RBFOX1: variants seen among roughly 807,000 people sequenced by gnomAD.
RBFOX1 encodes RNA binding protein fox-1 homolog 1.
In RBFOX1, 8 loss-of-function variants were observed where a neutral mutation model predicts 57.7. That is an observed-to-expected ratio of 0.14 (90% CI 0.08 to 0.25). RBFOX1 has a LOEUF of 0.25. Among genes scored for constraint, RBFOX1 ranks in the 10% least tolerant of loss-of-function variants. The pLI is 1.00. For missense variants in RBFOX1, 611 were observed against 548.5 expected (o/e 1.11, Z -1.14); for synonymous variants, 326 against 222.4 (o/e 1.47, Z -4.15).
intron 3 of RBFOX1, among the ~76,000 whole-genome samples, chr16:6,745,463 G>T (rs1023993467): frequency 1.3e-5 from 2 of 152,122 alleles, no homozygotes; most frequent in Admixed American, 6.5e-5. Flanking sequence ...AGAATGAGCA[G>T]ATTTTGTTTT....
chr16:5,282,495 C>T (rs2063296897), intron 1 of RBFOX1, among the ~76,000 whole-genome samples: 1 of 152,072 alleles, frequency 6.6e-6, no homozygotes, highest in African/African-American at 2.4e-5. Context: ...TTCCTAGAGC[C>T]CAAAATGCTG....
chr16:7,448,835 C>T (rs10220951), intron 4 of RBFOX1, among the ~76,000 whole-genome samples: 10 of 151,516 alleles, frequency 6.6e-5, no homozygotes, highest in African/African-American at 2.4e-4. Flanking sequence ...TTAGGGCCCA[C>T]TTTAATCCGG....
chr16:6,000,037 C>G (rs1436784833), intron 4 of RBFOX1, among the ~76,000 whole-genome samples: 1 of 151,912 alleles, frequency 6.6e-6, no homozygotes, highest in Non-Finnish European at 1.5e-5. Flanking sequence ...TTTAGGCAGG[C>G]TGTGTGGGAT....
At chr16:6,990,503 C>G (rs2091248207) in intron 3 of RBFOX1, among the ~76,000 whole-genome samples, 1 of 151,928 alleles carries the variant, frequency 6.6e-6, no homozygotes. Context: ...CCCACCTGGG[C>G]AACAAGAAAG....
chr16:6,162,558 G>A (rs2152747423), intron 1 of RBFOX1, among the ~76,000 whole-genome samples: 1 of 152,314 alleles, frequency 6.6e-6, no homozygotes, highest in Non-Finnish European at 1.5e-5. Context: ...GACTCTCAGT[G>A]AAATACTGCA....
intron 4 of RBFOX1, among the ~76,000 whole-genome samples, chr16:7,181,071 G>A (rs953886156): frequency 6.6e-6 from 1 of 152,226 alleles, no homozygotes; most frequent in Non-Finnish European, 1.5e-5. Flanking sequence ...TGGTCCACAG[G>A]CCATGGCTTA....
chr16:7,352,517 A>G (rs1309453225), intron 4 of RBFOX1, among the ~76,000 whole-genome samples: 3 of 152,142 alleles, frequency 2.0e-5, no homozygotes, highest in East Asian at 3.9e-4. Flanking sequence ...CGGGCTGCCC[A>G]TCACTGCTGT....
intron 15 of RBFOX1, chr16:7,710,336 A>T: frequency 1.6e-6 from 2 of 1,249,200 alleles, no homozygotes; most frequent in Admixed American, 4.4e-5. Flanking sequence ...TTATAAAAAA[A>T]TGAGACAGTG....
At chr16:5,366,510 T>A (rs1423207330) in intron 1 of RBFOX1, 2 of 432,652 alleles carry the variant, frequency 4.6e-6, no homozygotes, top group African/African-American at 2.1e-5. Context: ...AAAAAACTGC[T>A]AAAACACCGA....
At chr16:7,441,876 G>A (rs149439692) in intron 4 of RBFOX1, among the ~76,000 whole-genome samples, 5 of 152,184 alleles carry the variant, frequency 3.3e-5, no homozygotes, top group Admixed American at 6.5e-5. Context: ...TGCCTCCGTA[G>A]TGCTCTCCTC....
At chr16:7,674,017 G>C (rs954352118) in intron 13 of RBFOX1, among the ~76,000 whole-genome samples, 1 of 152,160 alleles carries the variant, frequency 6.6e-6, no homozygotes, top group Non-Finnish European at 1.5e-5. Flanking sequence ...AAAATACAGA[G>C]CGATAAAATT....
Position 6,897,672 on chromosome 16 carries a change from A to G in RBFOX1, c.-15-154385A>G, listed in dbSNP as rs563851774. 2.6e-5 allele frequency among the ~76,000 whole-genome samples: 4 copies of G among 152,150 alleles called. No homozygotes were observed. In the South Asian group the frequency reaches 8.3e-4, roughly 32 times the overall value. On this transcript the variant is annotated intron_variant, in intron 3 of 15. Transcript: ENST00000550418. ...GCTGGGCTTGGTGGCACGTGTCTGT[A>G]ATCACAGCCAGTTGGGAGCCTGAGG...
At chr16:6,434,327 C>G (rs941177503) in intron 2 of RBFOX1, among the ~76,000 whole-genome samples, 5 of 152,138 alleles carry the variant, frequency 3.3e-5, no homozygotes, top group Non-Finnish European at 7.4e-5. Flanking sequence ...ATTCCTCCTA[C>G]ATCTCCAATG....
intron 1 of RBFOX1, among the ~76,000 whole-genome samples, chr16:5,416,420 G>T (rs968825568): frequency 3.3e-5 from 5 of 152,132 alleles, no homozygotes; most frequent in Admixed American, 1.3e-4. Context: ...GATCTAAGAA[G>T]AATCACTGAT....
At chr16:5,538,694 C>A (rs1379163142) in intron 2 of RBFOX1, among the ~76,000 whole-genome samples, 1 of 150,958 alleles carries the variant, frequency 6.6e-6, no homozygotes, top group African/African-American at 2.4e-5. Context: ...GGTGTGATCT[C>A]CGCTCACTGC....
chr16:6,853,657 C>G (rs144712798), intron 3 of RBFOX1, among the ~76,000 whole-genome samples: 1 of 152,158 alleles, frequency 6.6e-6, no homozygotes, highest in Admixed American at 6.5e-5. Context: ...TGCTCTCAGC[C>G]TGTATGGAGG....
chr16:6,019,697 C>A lies in RBFOX1; in HGVS notation c.-422C>A, dbSNP rs970140414. 3.7e-6 allele frequency: 5 copies of A among 1,342,456 alleles called. No individual in the cohort carries two copies. The highest frequency in any genetic ancestry group is 2.9e-4 in the Middle Eastern group (1 of 3,506). 83.2% of individuals were successfully genotyped at this position (1,342,456 alleles called of 1,614,324 possible). A position where few individuals can be genotyped will look rare whatever the true frequency, so the allele number is the denominator to read the frequency against. On this transcript the variant is annotated 5_prime_UTR_variant, in exon 1 of 16. Transcript: ENST00000550418. The surrounding 1 kb of genome is among the most constrained non-coding windows in gnomAD (Gnocchi z 4.2). ...AGCAGGAGAACTCCGAGCTTCTTGC[C>A]CAGGCAGAGAGAGCAGGAGCGGACC...
At chr16:6,081,575 A>G (rs1254527364) in intron 1 of RBFOX1, among the ~76,000 whole-genome samples, 1 of 152,138 alleles carries the variant, frequency 6.6e-6, no homozygotes, top group Non-Finnish European at 1.5e-5. Context: ...CTGGTTTTCC[A>G]CTGAAGGTGA....
chr16:6,336,789 G>A (rs1192070777), intron 2 of RBFOX1, among the ~76,000 whole-genome samples: 2 of 152,178 alleles, frequency 1.3e-5, no homozygotes, highest in African/African-American at 4.8e-5. Context: ...AAGACTGGAT[G>A]TATAGCTGCA....
Sources: gnomAD v4.1 joint callset for allele counts (sites outside exome capture counted in the v4.1 genomes callset) on GRCh38, gnomAD v4.1.1 for gene constraint, Gnocchi (gnomAD v3.1) non-coding constraint, MANE v1.5 for transcripts, NCBI Gene and HGNC (gene_info 2026-07-23, HGNC 2026-07-21) for gene names.